Variants in GLYAT observed in about 807,000 individuals in gnomAD.
The protein encoded by GLYAT is glycine-N-acyltransferase, also known as glycine N-acyltransferase.
GLYAT carries 25 observed loss-of-function variants against 22.8 expected under a neutral mutation model. The observed-to-expected ratio is 1.09, with a 90% confidence interval of 0.80 to 1.53. GLYAT has a LOEUF of 1.53. Ranked by LOEUF, GLYAT falls within the 40% of genes most tolerant of loss-of-function variation. The pLI is 0.00. For synonymous variants in GLYAT, 140 were observed against 122.7 expected (o/e 1.14, Z -0.93); for missense variants, 411 against 353.9 (o/e 1.16, Z -1.29).
rs778428022 is a variant in GLYAT at position 58,712,831 on chromosome 11, T to C, written c.245A>G (p.Asp82Gly). The change falls in exon 4 of 6, where the codon GAT (aspartate) becomes GGT (glycine). Residue 82 changes from aspartate (D) to glycine (G), a missense_variant. By Grantham distance (94) the Asp-to-Gly change is moderately conservative. Transcript: ENST00000344743. The part of the protein sequence containing the change: ...YTNTYQIYSK[D>G]PQNCQEFLGS... ...AAGGAATTCCTGACAGTTTTGGGGATCTTTGGAGTAGATTTGGTAAGTATT... is the reference window on the plus strand; with the variant it reads ...AAGGAATTCCTGACAGTTTTGGGGACCTTTGGAGTAGATTTGGTAAGTATT... The C allele has an allele frequency of 6.8e-6, 11 of 1,609,368 alleles. No individual in the cohort carries two copies. Among genetic ancestry groups the C allele is most frequent in the Middle Eastern group, 1.7e-4 (1 of 6,050 alleles).
chr11:58,712,995 T>C (rs1856635770), intron 3 of GLYAT, 109 bp from the exon 4 acceptor site: 2 of 660,712 alleles, frequency 3.0e-6, no homozygotes, highest in Non-Finnish European at 4.9e-6. Flanking sequence ...GTTTTATTGG[T>C]GTATCACAAT....
At chr11:58,731,351 CG>C (rs894712310) in intron 1 of GLYAT, among the ~76,000 whole-genome samples, 4 of 152,142 alleles carry the variant, frequency 2.6e-5, no homozygotes, top group Non-Finnish European at 5.9e-5. Context: ...ATTTATTAGT[CG>C]AGAGCACAAA....
At position 58,709,945 on chromosome 11, in the gene GLYAT, G is replaced by C; in HGVS notation, c.712C>G (p.Arg238Gly). 1 of 1,614,018 alleles carries C rather than the reference G, an allele frequency of 6.2e-7. No homozygotes were observed. The highest frequency in any genetic ancestry group is 1.3e-5 in the African/African-American group (1 of 75,056). The change falls in exon 6 of 6, where the codon CGG becomes GGG. Residue 238 changes from arginine to glycine, a missense_variant. Physicochemically the swap from Arg to Gly is moderately radical, Grantham distance 125. Coordinates refer to ENST00000344743, the MANE Select transcript of GLYAT (RefSeq NM_201648.3). Reference sequence around the variant, plus strand: ...ACATACGTCACAAGGCCATGGAGCCGGTATTCCGGCAAGGTGCCTGCCATT... The same window carrying C: ...ACATACGTCACAAGGCCATGGAGCCCGTATTCCGGCAAGGTGCCTGCCATT... ...MRMAGTLPEYRLHGLVTYVIY... is the reference protein window; with the variant it reads ...MRMAGTLPEYGLHGLVTYVIY...
intron 2 of GLYAT, among the ~76,000 whole-genome samples, chr11:58,716,646 T>C (rs1938695): frequency 0.22 from 32,919 of 152,108 alleles, 3,978 homozygotes; most frequent in African/African-American, 0.31. Flanking sequence ...TTTTTTCTCA[T>C]TGTTGTGGCC....
rs1856587615 is a variant in GLYAT, at chr11:58,709,835, T to G, written c.822A>C (p.Lys274Asn). 6.2e-7 allele frequency: 1 copy of G among 1,614,080 alleles called. No homozygotes were observed. The highest frequency in any genetic ancestry group is 8.5e-7 in the Non-Finnish European group (1 of 1,179,918). The change falls in exon 6 of 6, where the codon AAA becomes AAC. Residue 274 changes from lysine (K) to asparagine (N), a missense_variant. By Grantham distance (94) the Lys-to-Asn change is moderately conservative. Transcript: ENST00000344743. ...GAACATGTTGCAGTGTGTAACTCAT[T>G]TTTTGCATAGCTTCATTGCTGTAGT... ...HVDYSNEAMQ[K>N]MSYTLQHVPI... is the part of the protein sequence containing the mutation.
intron 4 of GLYAT, 91 bp from the exon 5 acceptor site, chr11:58,710,852 T>C: frequency 2.5e-6 from 2 of 787,622 alleles, no homozygotes; most frequent in East Asian, 2.5e-5. Context: ...GGATTTAGTA[T>C]CATAAAATCT....
chr11:58,722,512 G>A (rs1236629748), intron 2 of GLYAT, among the ~76,000 whole-genome samples: 7 of 152,076 alleles, frequency 4.6e-5, no homozygotes, highest in Non-Finnish European at 8.8e-5. Context: ...GCAATGGCAG[G>A]AAGACTTGAA....
intron 4 of GLYAT, among the ~76,000 whole-genome samples, chr11:58,711,618 T>C (rs908111456): frequency 1.3e-5 from 2 of 152,208 alleles, no homozygotes; most frequent in Non-Finnish European, 2.9e-5. Context: ...TGCGTAATTG[T>C]GTAGCAATTT....
rs1856666704 is a variant in GLYAT, at chr11:58,715,357, A to G, written c.148T>C (p.Trp50Arg). The G allele has an allele frequency of 1.9e-6, 3 of 1,600,580 alleles. No homozygotes were observed. The highest frequency in any genetic ancestry group is 1.7e-4 in the Middle Eastern group (1 of 6,016). ...PFNLKAVVDK[W>R]PDFNTVVVCP... The stretch of plus-strand genomic sequence containing the variant: ...ACAACCACTGTATTAAAATCAGGCC[A>G]CTTGTCCACCACAGCCTTCAGATTG... Residue 50 changes from tryptophan (W) to arginine (R), a missense_variant, in exon 3 of 6, where the codon TGG becomes CGG. Coordinates refer to ENST00000344743, the MANE Select transcript of GLYAT (RefSeq NM_201648.3).
chr11:58,716,945 G>C (rs771317284), intron 2 of GLYAT, among the ~76,000 whole-genome samples: 1 of 152,144 alleles, frequency 6.6e-6, no homozygotes, highest in South Asian at 2.1e-4. Context: ...TACTTGAAGT[G>C]GGGAAGAAGC....
chr11:58,720,196 A>T (rs1054399038), intron 2 of GLYAT, among the ~76,000 whole-genome samples: 1 of 151,928 alleles, frequency 6.6e-6, no homozygotes, highest in Non-Finnish European at 1.5e-5. Flanking sequence ...AAAAACACAC[A>T]CACAGTTTTG....
chr11:58,717,869 A>C (rs1856703148), intron 2 of GLYAT, among the ~76,000 whole-genome samples: 1 of 152,106 alleles, frequency 6.6e-6, no homozygotes. Context: ...ACTTTGTTCC[A>C]TAGGAGGAGT....
intron 1 of GLYAT, among the ~76,000 whole-genome samples, chr11:58,730,743 T>C (rs1462939224): frequency 1.3e-5 from 2 of 152,158 alleles, no homozygotes; most frequent in African/African-American, 4.8e-5. Flanking sequence ...TGCACTCCAG[T>C]CTGGGTAACA....
At chr11:58,715,482 T>A (rs377288307) in intron 2 of GLYAT, 59 bp from the exon 3 acceptor site, 17 of 779,342 alleles carry the variant, frequency 2.2e-5, no homozygotes, top group African/African-American at 1.6e-4. Context: ...GTAAAGTTTC[T>A]TGCTTGATTA....
At chr11:58,715,571 C>T in intron 2 of GLYAT, 148 bp from the exon 3 acceptor site, 1 of 588,744 alleles carries the variant, frequency 1.7e-6, no homozygotes. Context: ...CAAAGAATCT[C>T]TGTGTGCTAT....
chr11:58,712,484 T>A (rs1169723243), intron 4 of GLYAT, among the ~76,000 whole-genome samples: 1 of 152,144 alleles, frequency 6.6e-6, no homozygotes, highest in East Asian at 1.9e-4. Context: ...TTCTTCAGCA[T>A]CCAATCACCC....
chr11:58,723,321 G>A (rs913333764), intron 2 of GLYAT, among the ~76,000 whole-genome samples: 2 of 151,976 alleles, frequency 1.3e-5, no homozygotes, highest in African/African-American at 2.4e-5. Flanking sequence ...TAAATATTAG[G>A]TAATTTTGAT....
chr11:58,721,213 G>A (rs956635119), intron 2 of GLYAT, among the ~76,000 whole-genome samples: 1 of 151,692 alleles, frequency 6.6e-6, no homozygotes, highest in Non-Finnish European at 1.5e-5. Flanking sequence ...CTAGGCAGCT[G>A]TCAGAAAAAT....
chr11:58,728,889 A>AGAAGGAAGGAAG (rs71064488), intron 1 of GLYAT, among the ~76,000 whole-genome samples: 25 of 101,306 alleles, frequency 2.5e-4, no homozygotes, highest in East Asian at 2.0e-3. Context: ...AAAGAAAGAA[A>AGAAGGAAGGAAG]GAAGGAAGGA....
Sources: allele counts gnomAD v4.1 joint callset (sites outside exome capture counted in the v4.1 genomes callset), GRCh38; gene constraint gnomAD v4.1.1; transcripts MANE v1.5; gene names NCBI Gene and HGNC (gene_info 2026-07-23, HGNC 2026-07-21).